Variants in DYNC2H1 observed in about 807,000 individuals in gnomAD.
The protein encoded by DYNC2H1 is cytoplasmic dynein 2 heavy chain 1.
DYNC2H1 carries 410 observed loss-of-function variants against 570.0 expected under a neutral mutation model. The observed-to-expected ratio is 0.72, with a 90% CI of 0.66 to 0.78. The LOEUF is 0.78. Ranked by LOEUF, DYNC2H1 falls within the 30% of genes least tolerant of loss-of-function variation. DYNC2H1 has a pLI of 0.00. For synonymous variants in DYNC2H1, 1,688 were observed against 1,677.6 expected, an observed-to-expected ratio of 1.01 and a Z score of -0.15; for missense variants, 4,865 against 5,046.4, an observed-to-expected ratio of 0.96 and a Z score of 1.09.
chr11:103,473,286 ATT>A (rs35681061), intron 88 of DYNC2H1, among the ~76,000 whole-genome samples: 22,154 of 136,502 alleles, frequency 0.16, 1,626 homozygotes, highest in Admixed American at 0.24. Context: ...CATGAAACAG[ATT>A]TTTTTTTTTT....
At chr11:103,399,397 C>T (rs964495176) in intron 83 of DYNC2H1, among the ~76,000 whole-genome samples, 1 of 150,646 alleles carries the variant, frequency 6.6e-6, no homozygotes, top group African/African-American at 2.4e-5. Context: ...CTCAAATGCT[C>T]CACCTGCGTT....
chr11:103,465,446 AGT>A lies in DYNC2H1; in HGVS notation c.12649-3138_12649-3137del, dbSNP rs898758146. 4.7e-5 allele frequency among the ~76,000 whole-genome samples: 7 copies of A among 149,330 alleles called. No individual in the cohort carries two copies. Among genetic ancestry groups the A allele is most frequent in the Non-Finnish European group, 1.0e-4 (7 of 67,344 alleles). ...AATGCAATTTCAACCAGTATCCCAA[AGT>A]GTGTTTTGTTTTTTTTTTTAATCTG... On this transcript the variant is annotated intron_variant, in intron 87 of 88. Transcript: ENST00000375735. The surrounding 1 kb of genome is among the most constrained non-coding windows in gnomAD (Gnocchi z 4.9).
At chr11:103,362,327 T>C (rs905683355) in intron 83 of DYNC2H1, among the ~76,000 whole-genome samples, 3 of 110,456 alleles carry the variant, frequency 2.7e-5, no homozygotes, top group African/African-American at 9.8e-5. Context: ...TTTCTTTTTT[T>C]TTTTTCTTTT....
chr11:103,114,247 C>T lies in DYNC2H1; in HGVS notation c.502+9C>T, dbSNP rs528719969. The T allele has an allele frequency of 1.9e-6, 3 of 1,565,776 alleles. No individual in the cohort carries two copies. The highest frequency in any genetic ancestry group is 3.8e-5 in the Admixed American group (2 of 51,990). On this transcript the variant is annotated intron_variant, in intron 3 of 88. Coordinates refer to ENST00000375735, the MANE Select transcript of DYNC2H1 (RefSeq NM_001377.3). The stretch of plus-strand genomic sequence containing the variant: ...GGAAGATGACACACGAGGTATATAA[C>T]CATAGCTTAATAAAAGAGAGTACAA...
chr11:103,116,851 A>G, intron 5 of DYNC2H1, 137 bp downstream of exon 5: 1 of 703,952 alleles, frequency 1.4e-6, no homozygotes, highest in Non-Finnish European at 2.1e-6. Flanking sequence ...AGCATTATTT[A>G]AATAGATATT....
Position 103,117,709 on chromosome 11 carries a change from A to G in DYNC2H1, c.845A>G (p.Glu282Gly), listed in dbSNP as rs369812080. Reference sequence around the variant, plus strand: ...GAAGATCCTTATTATCTTGTGAAAGAAAGTCTGAAAGCTGGTATTTCAATT... The same window carrying G: ...GAAGATCCTTATTATCTTGTGAAAGGAAGTCTGAAAGCTGGTATTTCAATT... ...LWEDPYYLVK[E>G]SLKAGISICE... Residue 282 changes from glutamate (E) to glycine (G), a missense_variant, in exon 6 of 89, where the codon GAA becomes GGA. Physicochemically the swap from Glu to Gly is moderately conservative, Grantham distance 98 (BLOSUM62 -2). This residue lies in a region of DYNC2H1 where 1,936 missense variants were observed against 1,962.1 expected (regional missense o/e 0.99). Transcript: ENST00000375735. 8 of 1,612,534 alleles carry G rather than the reference A, an allele frequency of 5.0e-6. No homozygotes were observed. The highest frequency in any genetic ancestry group is 4.0e-5 in the African/African-American group (3 of 74,902).
intron 70 of DYNC2H1, among the ~76,000 whole-genome samples, chr11:103,260,695 C>A (rs1208451759): frequency 6.6e-6 from 1 of 150,738 alleles, no homozygotes; most frequent in Non-Finnish European, 1.5e-5. Context: ...TCTTGGCTCA[C>A]TGCAAGCTCT....
chr11:103,468,697 A>T lies in DYNC2H1; in HGVS notation c.12757A>T (p.Ile4253Phe). The T allele has an allele frequency of 6.2e-7, 1 of 1,609,628 alleles. No individual in the cohort carries two copies. The highest frequency in any genetic ancestry group is 1.7e-5 in the Admixed American group (1 of 59,884). Residue 4253 changes from isoleucine (I) to phenylalanine (F), a missense_variant, in exon 88 of 89, where the codon ATT becomes TTT. Coordinates refer to ENST00000375735, the MANE Select transcript of DYNC2H1 (RefSeq NM_001377.3). The part of the protein sequence containing the change: ...SSVLPCFMGW[I>F]PQDACGPYSP... ...AGTGCTCCCTTGTTTTATGGGCTGG[A>T]TTCCACAGGTAATACATTTTTAACA...
intron 82 of DYNC2H1, among the ~76,000 whole-genome samples, chr11:103,350,690 G>A (rs1297871281): frequency 6.6e-5 from 10 of 152,116 alleles, no homozygotes; most frequent in African/African-American, 2.4e-4. Flanking sequence ...AATTTCTGGT[G>A]AGGCTGCTCT....
Position 103,244,817 on chromosome 11 carries a change from T to G in DYNC2H1, c.9919-434T>G, listed in dbSNP as rs561410401. On this transcript the variant is annotated intron_variant, in intron 64 of 88. Coordinates refer to ENST00000375735, the MANE Select transcript of DYNC2H1 (RefSeq NM_001377.3). This position sits in a 1 kb window ranked among gnomAD's most constrained non-coding sequence, Gnocchi z 4.3. ...CTATATATAGTCATAGTTATAGACA[T>G]ATAAGTAACTATATAGTTACTTTTA... 6.1e-4 allele frequency among the ~76,000 whole-genome samples: 91 copies of G among 150,286 alleles called. No individual in the cohort carries two copies. Among genetic ancestry groups the G allele is most frequent in the Admixed American group, 1.0e-3 (15 of 14,938 alleles).
At chr11:103,462,451 T>G (rs1352701120) in intron 87 of DYNC2H1, among the ~76,000 whole-genome samples, 1 of 152,210 alleles carries the variant, frequency 6.6e-6, no homozygotes, top group Non-Finnish European at 1.5e-5. Flanking sequence ...AGTGACAGCC[T>G]CATTCCTCAT....
chr11:103,255,800 T>C (rs1865032926), intron 67 of DYNC2H1, among the ~76,000 whole-genome samples: 1 of 152,034 alleles, frequency 6.6e-6, no homozygotes, highest in Non-Finnish European at 1.5e-5. Context: ...CAAGAAGCAT[T>C]GAAAGCAAGA....
intron 83 of DYNC2H1, among the ~76,000 whole-genome samples, chr11:103,376,963 C>T (rs1383560920): frequency 6.6e-6 from 1 of 152,178 alleles, no homozygotes; most frequent in Non-Finnish European, 1.5e-5. Flanking sequence ...TCTCTCCTGA[C>T]CTGCAAGGTT....
chr11:103,338,774 C>T (rs1011576519), intron 82 of DYNC2H1, among the ~76,000 whole-genome samples: 4 of 152,260 alleles, frequency 2.6e-5, no homozygotes, highest in East Asian at 1.9e-4. Context: ...TTTTGAATTT[C>T]CTGTCTGAGG....
intron 88 of DYNC2H1, among the ~76,000 whole-genome samples, chr11:103,471,519 A>G (rs1002654935): frequency 1.3e-5 from 2 of 152,162 alleles, no homozygotes; most frequent in Non-Finnish European, 2.9e-5. Flanking sequence ...TTTCTGTAGG[A>G]TCATGTTGAG....
intron 7 of DYNC2H1, 41 bp from the exon 8 acceptor site, chr11:103,120,648 T>TA (rs779119379): frequency 1.3e-6 from 2 of 1,599,264 alleles, no homozygotes; most frequent in South Asian, 2.3e-5. Context: ...AAGACAGATT[T>TA]AAAAAATACT....
At chr11:103,455,148 G>T (rs1474837658) in intron 85 of DYNC2H1, 38 bp from the exon 86 acceptor site, 1 of 1,460,130 alleles carries the variant, frequency 6.8e-7, no homozygotes, top group Non-Finnish European at 9.6e-7. Flanking sequence ...ACTTATAAGT[G>T]TGTGTGTATT....
intron 5 of DYNC2H1, 104 bp from the exon 6 acceptor site, chr11:103,117,527 G>T (rs1858472997): frequency 1.1e-6 from 1 of 944,654 alleles, no homozygotes; most frequent in East Asian, 2.7e-5. Flanking sequence ...TCCTTAGTTG[G>T]CTAATTTGTA....
rs375160131 is a variant in DYNC2H1 at position 103,177,594 on chromosome 11, G to C, written c.5913G>C (p.Gln1971His). Residue 1971 changes from glutamine (Q) to histidine (H), a missense_variant, in exon 38 of 89, where the codon CAG becomes CAC. Transcript: ENST00000375735. This position sits in a 1 kb window ranked among gnomAD's most constrained non-coding sequence, Gnocchi z 4.4. ...TAGAATTGTATGAACAGTTATGCCA[G>C]AGGATGGGAGTTGTTATTGTTGGTC... ...KALELYEQLC[Q>H]RMGVVIVGPS... The C allele has an allele frequency of 6.2e-7, 1 of 1,612,996 alleles. No individual in the cohort carries two copies.
Sources: gnomAD v4.1 joint callset for allele counts (sites outside exome capture counted in the v4.1 genomes callset) on GRCh38, gnomAD v4.1.1 for gene constraint, gnomAD v4.1.1 regional missense constraint, Gnocchi (gnomAD v3.1) non-coding constraint, MANE v1.5 for transcripts, NCBI Gene and HGNC (gene_info 2026-07-23, HGNC 2026-07-21) for gene names.